The following TXLNB variants were observed in gnomAD, a reference collection of about 807,000 sequenced individuals.
The protein encoded by TXLNB is taxilin beta.
A neutral mutation model predicts 57.4 loss-of-function variants in TXLNB; 37 were observed. The observed-to-expected ratio is 0.64, with a 90% confidence interval of 0.50 to 0.85. The LOEUF (loss-of-function observed/expected upper bound fraction) is 0.85. Among genes scored for constraint, TXLNB ranks in the 40% least tolerant of loss-of-function variants. The probability of loss-of-function intolerance (pLI) is 0.00; values close to 1 mark genes in which losing one functional copy is unlikely to be tolerated. For missense variants in TXLNB, 848 were observed against 825.6 expected, an observed-to-expected ratio of 1.03 and a Z score of -0.33; for synonymous variants, 302 against 309.6, an observed-to-expected ratio of 0.98 and a Z score of 0.26.
the TXLNB span, among the ~76,000 whole-genome samples, chr6:139,162,057 G>A: frequency 3.3e-5 from 5 of 152,090 alleles, no homozygotes; most frequent in South Asian, 2.1e-4. Flanking sequence ...TCTTTAATGC[G>A]ACTTTTTTCA....
At chr6:139,286,605 T>TG (rs1777181632) in intron 2 of TXLNB, among the ~76,000 whole-genome samples, 1 of 152,308 alleles carries the variant, frequency 6.6e-6, no homozygotes, top group Admixed American at 6.5e-5. Context: ...TGTTAGGAAC[T>TG]GGGCTGCACG....
At chr6:139,166,500 T>A in the TXLNB span, 1 of 1,614,064 alleles carries the variant, frequency 6.2e-7, no homozygotes, top group Non-Finnish European at 8.5e-7. Context: ...CGCCAGAACA[T>A]GTGGACAAAG....
At chr6:139,258,919 T>G (rs1446357524) in intron 6 of TXLNB, among the ~76,000 whole-genome samples, 1 of 152,196 alleles carries the variant, frequency 6.6e-6, no homozygotes, top group Non-Finnish European at 1.5e-5. Flanking sequence ...ATCTGTAGAA[T>G]GACCCTACAG....
rs1343772326 is a variant in TXLNB at position 139,242,584 on chromosome 6, GC to G, written c.1996del (p.Ala666ProfsTer80). ...RAAAEELPVGASAGPQPRNVA... is the reference protein window; with the variant it reads ...RAAAEELPVGXSAGPQPRNVA... ...GTTGCGCGGCTGGGGCCCAGCTGAG[GC>G]CCCTACTGGCAGCTCCTCTGCTGCT... On this transcript the variant is annotated frameshift_variant, in exon 10 of 10. Coordinates refer to ENST00000358430, the MANE Select transcript of TXLNB (RefSeq NM_153235.4). LOFTEE classifies it low-confidence loss of function (END_TRUNC). The G allele has an allele frequency of 6.5e-7, 1 of 1,536,776 alleles. No individual in the cohort carries two copies. The highest frequency in any genetic ancestry group is 8.7e-7 in the Non-Finnish European group (1 of 1,145,708).
At chr6:139,193,840 ATTTT>A in the TXLNB span, among the ~76,000 whole-genome samples, 34,374 of 84,678 alleles carry the variant, frequency 0.41, 6,992 homozygotes, top group Middle Eastern at 0.45. Flanking sequence ...ATATATATAT[ATTTT>A]TTTTTTTTTT....
chr6:139,280,043 A>G (rs2114607537), intron 2 of TXLNB, among the ~76,000 whole-genome samples: 1 of 152,294 alleles, frequency 6.6e-6, no homozygotes, highest in South Asian at 2.1e-4. Context: ...TCACGAGGTC[A>G]GGAGATCGAG....
chr6:139,193,241 C>CTTTTTTTTTTTTTTTTTTTTTT, the TXLNB span, among the ~76,000 whole-genome samples: 1 of 101,212 alleles, frequency 9.9e-6, no homozygotes, highest in Non-Finnish European at 2.0e-5. Flanking sequence ...CTTTGACCCT[C>CTTTTTTTTTTTTTTTTTTTTTT]TTTTTTTTTT....
chr6:139,249,025 G>A (rs1220396834), intron 7 of TXLNB, among the ~76,000 whole-genome samples: 1 of 152,222 alleles, frequency 6.6e-6, no homozygotes, highest in Non-Finnish European at 1.5e-5. Context: ...TCCACAGATG[G>A]AAGTAATGAG....
intron 3 of TXLNB, among the ~76,000 whole-genome samples, chr6:139,276,279 C>T (rs1002026392): frequency 8.6e-5 from 13 of 152,032 alleles, no homozygotes; most frequent in East Asian, 3.9e-4. Flanking sequence ...CCTAAAAATG[C>T]GTATATGTAC....
the TXLNB span, among the ~76,000 whole-genome samples, chr6:139,161,959 T>G: frequency 1.3e-5 from 2 of 152,212 alleles, no homozygotes; most frequent in Admixed American, 6.5e-5. Context: ...TTGTTGTGCT[T>G]CAGTACATCC....
the TXLNB span, among the ~76,000 whole-genome samples, chr6:139,200,356 C>T: frequency 1.3e-5 from 2 of 152,156 alleles, no homozygotes; most frequent in Non-Finnish European, 2.9e-5. Context: ...GGGACATTTG[C>T]TACCTGGAGC....
chr6:139,260,784 C>T lies in TXLNB; in HGVS notation c.883-347G>A, dbSNP rs557368545. On this transcript the variant is annotated intron_variant, in intron 5 of 9. Coordinates refer to ENST00000358430, the MANE Select transcript of TXLNB (RefSeq NM_153235.4). ...GCACAGACAATGATGTATCAGTATA[C>T]AATATACAGGGGCTACAGTTGTATC... Among the ~76,000 whole-genome samples, 8 of 152,298 alleles carry T rather than the reference C, an allele frequency of 5.3e-5. No individual in the cohort carries two copies. In the South Asian group the frequency reaches 1.7e-3, roughly 32 times the overall value.
At position 139,241,065 on chromosome 6, in the gene TXLNB, A is replaced by T. The variant is rs1775922366; in HGVS notation, c.*1461T>A. ...AGCTATCCTTTACCCTAGGTAATTT[A>T]TGTTGTCAGTATCATTAGAGGTTCT... On this transcript the variant is annotated 3_prime_UTR_variant, in exon 10 of 10. Transcript: ENST00000358430. 1 of 151,892 alleles carries T rather than the reference A, an allele frequency of 6.6e-6. No individual in the cohort carries two copies. Among genetic ancestry groups the T allele is most frequent in the Non-Finnish European group, 1.5e-5 (1 of 68,006 alleles). 9.4% of individuals were successfully genotyped at this position (151,892 alleles called of 1,614,324 possible).
chr6:139,252,953 C>T (rs1312905319), intron 7 of TXLNB, among the ~76,000 whole-genome samples: 2 of 152,204 alleles, frequency 1.3e-5, no homozygotes, highest in African/African-American at 4.8e-5. Flanking sequence ...CATCATGCCA[C>T]TGCACTCCAG....
intron 7 of TXLNB, among the ~76,000 whole-genome samples, chr6:139,252,865 C>T (rs1776243435): frequency 1.3e-5 from 2 of 152,112 alleles, no homozygotes; most frequent in South Asian, 2.1e-4. Flanking sequence ...GTGGCAGGTG[C>T]CTGTAGTCCC....
the TXLNB span, chr6:139,174,428 A>G: frequency 5.0e-6 from 8 of 1,613,900 alleles, no homozygotes; most frequent in Non-Finnish European, 5.9e-6. Context: ...ACTGCCTGGA[A>G]GGGGTTCACA....
Position 139,240,472 on chromosome 6 carries a change from CTGTT to C in TXLNB, c.*2050_*2053del, listed in dbSNP as rs1775907049. The stretch of plus-strand genomic sequence containing the variant: ...TACTGCCTTTGGGTTCCTCTGCTGC[CTGTT>C]TCTCTTGCTAAATATTCAGACTGAG... On this transcript the variant is annotated 3_prime_UTR_variant, in exon 10 of 10. Transcript: ENST00000358430. The C allele has an allele frequency of 6.6e-6, 1 of 152,630 alleles. No homozygotes were observed. Among genetic ancestry groups the C allele is most frequent in the African/African-American group, 2.4e-5 (1 of 41,446 alleles). The allele number at this position is 152,630 out of a possible 1,614,324, so 9.5% of individuals were successfully genotyped here.
chr6:139,312,104 T>A, the TXLNB span, among the ~76,000 whole-genome samples: 2 of 152,200 alleles, frequency 1.3e-5, no homozygotes, highest in Admixed American at 6.5e-5. Context: ...ATATCCTATA[T>A]GAGTTAAGAG....
chr6:139,201,689 G>C, the TXLNB span: 1 of 152,182 alleles, frequency 6.6e-6, no homozygotes, highest in Non-Finnish European at 1.5e-5. Context: ...TTCCGCTGCT[G>C]TATCAGAGAT....
Sources: gnomAD v4.1 joint callset for allele counts (sites outside exome capture counted in the v4.1 genomes callset) on GRCh38, gnomAD v4.1.1 for gene constraint, MANE v1.5 for transcripts, NCBI Gene and HGNC (gene_info 2026-07-23, HGNC 2026-07-21) for gene names.